SLCO2A1: variants seen among roughly 807,000 people sequenced by gnomAD.
The protein encoded by SLCO2A1 is matrin F/G 1.
In SLCO2A1, 60 loss-of-function variants were observed where a neutral mutation model predicts 71.7. The observed-to-expected ratio is 0.84, with a 90% CI of 0.68 to 1.04. The LOEUF (loss-of-function observed/expected upper bound fraction) is 1.04, where lower values mean the gene tolerates loss of function less well. Ranked by LOEUF, SLCO2A1 falls within the 50% of genes least tolerant of loss-of-function variation. The probability of loss-of-function intolerance (pLI) is 0.00; values close to 1 mark genes in which losing one functional copy is unlikely to be tolerated. For synonymous variants in SLCO2A1, 308 were observed against 326.7 expected (o/e 0.94, Z 0.62); for missense variants, 745 against 813.4 (o/e 0.92, Z 1.02).
At position 133,962,458 on chromosome 3, in the gene SLCO2A1, TAGG is replaced by T. The variant is rs558667825; in HGVS notation, c.398-7268_398-7266del. Among the ~76,000 whole-genome samples the T allele has an allele frequency of 4.6e-3, 682 of 147,034 alleles. 3 individuals are homozygous for T. The highest frequency in any genetic ancestry group is 6.4e-3 in the Non-Finnish European group (425 of 66,130). ...ACACATTTTAAAAAAGAAAAAAAAA[TAGG>T]AGGACAGGGATAGGAGTTCAAGGGG... On this transcript the variant is annotated intron_variant, in intron 3 of 13. Coordinates refer to ENST00000310926, the MANE Select transcript of SLCO2A1 (RefSeq NM_005630.3).
At chr3:133,998,488 C>T (rs1203380499) in intron 1 of SLCO2A1, among the ~76,000 whole-genome samples, 4 of 141,398 alleles carry the variant, frequency 2.8e-5, no homozygotes, top group Non-Finnish European at 5.9e-5. Context: ...CCCAGGCGCT[C>T]CTGTCCACAC....
At chr3:133,978,322 G>C (rs886451531) in intron 2 of SLCO2A1, among the ~76,000 whole-genome samples, 6 of 152,182 alleles carry the variant, frequency 3.9e-5, no homozygotes, top group Admixed American at 1.3e-4. Flanking sequence ...ATGACAGGGG[G>C]CTGACCTGGA....
intron 11 of SLCO2A1, 134 bp downstream of exon 11, chr3:133,942,471 C>G: frequency 1.1e-6 from 1 of 923,166 alleles, no homozygotes. Context: ...AAGAACCTTG[C>G]ACATTGTCAT....
At chr3:133,993,519 G>C (rs1654854824) in intron 1 of SLCO2A1, among the ~76,000 whole-genome samples, 1 of 152,118 alleles carries the variant, frequency 6.6e-6, no homozygotes, top group African/African-American at 2.4e-5. Context: ...AAACATGTGA[G>C]ACAAGATGAA....
intron 3 of SLCO2A1, among the ~76,000 whole-genome samples, chr3:133,962,878 C>T (rs1934073133): frequency 6.6e-6 from 1 of 152,198 alleles, no homozygotes; most frequent in Admixed American, 6.5e-5. Context: ...CAAACACAGC[C>T]ACCTGCCCCT....
chr3:133,947,544 C>A lies in SLCO2A1; in HGVS notation c.1106-99G>T, dbSNP rs1933618874. 2.1e-6 allele frequency: 2 copies of A among 973,406 alleles called. 1 individual carries two copies. Among genetic ancestry groups the A allele is most frequent in the East Asian group, 5.3e-5 (2 of 37,692 alleles). The allele number at this position is 973,406 out of a possible 1,614,324, so 60.3% of individuals were successfully genotyped here. On this transcript the variant is annotated intron_variant, in intron 8 of 13. Coordinates refer to ENST00000310926, the MANE Select transcript of SLCO2A1 (RefSeq NM_005630.3). The stretch of plus-strand genomic sequence containing the variant: ...GATCACTGAGAAGGAAGCATGGCTT[C>A]AGGAAGGAACATTTGGTATGTTAAA...
intron 1 of SLCO2A1, 102 bp from the exon 2 acceptor site, chr3:133,979,720 G>T: frequency 1.5e-6 from 2 of 1,308,626 alleles, no homozygotes; most frequent in Non-Finnish European, 2.1e-6. Context: ...CTGTTTCCTC[G>T]CCTGTTATCT....
At chr3:133,977,768 G>T (rs1268059482) in intron 2 of SLCO2A1, among the ~76,000 whole-genome samples, 1 of 152,148 alleles carries the variant, frequency 6.6e-6, no homozygotes, top group Non-Finnish European at 1.5e-5. Context: ...TGTGCCAGGG[G>T]AATTACCAAA....
intron 3 of SLCO2A1, among the ~76,000 whole-genome samples, chr3:133,965,626 A>AGCAGTTGGAAGGGTGATACCTG (rs141993168): frequency 1.3e-5 from 2 of 151,826 alleles, no homozygotes; most frequent in African/African-American, 2.4e-5. Flanking sequence ...TCAGCTAGTC[A>AGCAGTTGGAAGGGTGATACCTG]GCTTGGCACA....
At chr3:133,993,336 C>T (rs1436036482) in intron 1 of SLCO2A1, among the ~76,000 whole-genome samples, 1 of 152,160 alleles carries the variant, frequency 6.6e-6, no homozygotes, top group Admixed American at 6.5e-5. Context: ...CTAATGGTGC[C>T]CTGTTCAAAG....
intron 6 of SLCO2A1, chr3:133,950,890 G>A (rs535427358): frequency 1.6e-5 from 6 of 365,372 alleles, no homozygotes; most frequent in African/African-American, 8.4e-5. Flanking sequence ...GTACCAGGTC[G>A]CAGACTTGGC....
At chr3:133,948,742 G>T (rs1933653474) in intron 7 of SLCO2A1, 42 bp from the exon 8 acceptor site, 3 of 1,605,446 alleles carry the variant, frequency 1.9e-6, no homozygotes, top group South Asian at 2.2e-5. Context: ...GAACCCCTGG[G>T]CTGCAGGCAC....
At chr3:133,973,601 C>T in intron 3 of SLCO2A1, 62 bp downstream of exon 3, 4 of 1,577,144 alleles carry the variant, frequency 2.5e-6, no homozygotes, top group South Asian at 2.3e-5. Flanking sequence ...AGTATCCCCA[C>T]TAACTTTGTG....
chr3:133,942,540 A>G, intron 11 of SLCO2A1, 65 bp downstream of exon 11: 5 of 1,498,146 alleles, frequency 3.3e-6, no homozygotes, highest in Non-Finnish European at 4.5e-6. Flanking sequence ...AACTAGGCGC[A>G]AAGTCAAAGG....
chr3:133,952,472 A>G (rs1009499312), intron 5 of SLCO2A1, among the ~76,000 whole-genome samples: 6 of 151,978 alleles, frequency 3.9e-5, no homozygotes, highest in Non-Finnish European at 7.4e-5. Context: ...TTCGTATCCC[A>G]CCCACACACT....
At chr3:133,984,046 G>C (rs1311944503) in intron 1 of SLCO2A1, among the ~76,000 whole-genome samples, 1 of 152,286 alleles carries the variant, frequency 6.6e-6, no homozygotes, top group African/African-American at 2.4e-5. Context: ...GTTCAGTTAT[G>C]GAGCACTTGA....
intron 3 of SLCO2A1, among the ~76,000 whole-genome samples, chr3:133,966,837 G>T (rs1302636033): frequency 2.6e-5 from 4 of 152,210 alleles, no homozygotes; most frequent in Non-Finnish European, 2.9e-5. Flanking sequence ...ACTAAGTGTG[G>T]CAGCAAGAGC....
At chr3:133,987,993 G>GA (rs1211822755) in intron 1 of SLCO2A1, among the ~76,000 whole-genome samples, 1 of 152,210 alleles carries the variant, frequency 6.6e-6, no homozygotes, top group African/African-American at 2.4e-5. Context: ...GAACAGCACA[G>GA]AAAAACCTTA....
rs1933745286 is a variant in SLCO2A1 at position 133,951,466 on chromosome 3, C to T, written c.725-122G>A. The T allele has an allele frequency of 8.4e-6, 10 of 1,190,152 alleles. No homozygotes were observed. In the East Asian group the frequency reaches 1.9e-4, roughly 23 times the overall value. 73.7% of individuals were successfully genotyped at this position (1,190,152 alleles called of 1,614,324 possible). A position where few individuals can be genotyped will look rare whatever the true frequency, so the allele number is the denominator to read the frequency against. Reference sequence around the variant, plus strand: ...TTCCCAGGATGCAGAAGAGGCAAGCCATGAGCTAGATTCTTGGTCAAAACA... The same window carrying T: ...TTCCCAGGATGCAGAAGAGGCAAGCTATGAGCTAGATTCTTGGTCAAAACA... On this transcript the variant is annotated intron_variant, in intron 5 of 13. Transcript: ENST00000310926.
Sources: gnomAD v4.1 joint callset for allele counts (sites outside exome capture counted in the v4.1 genomes callset) on GRCh38, gnomAD v4.1.1 for gene constraint, MANE v1.5 for transcripts, NCBI Gene and HGNC (gene_info 2026-07-23, HGNC 2026-07-21) for gene names.